The following KCNH7 variants were observed in gnomAD, a reference collection of about 807,000 sequenced individuals.
The protein encoded by KCNH7 is voltage-gated inwardly rectifying potassium channel KCNH7.
A neutral mutation model predicts 120.8 loss-of-function variants in KCNH7; 49 were observed. The observed-to-expected ratio is 0.41, with a 90% CI of 0.32 to 0.51. The LOEUF (loss-of-function observed/expected upper bound fraction) is 0.51, where lower values mean the gene tolerates loss of function less well. Ranked by LOEUF, KCNH7 falls within the 20% of genes least tolerant of loss-of-function variation. The pLI is 0.38. For synonymous variants in KCNH7, 547 were observed against 516.1 expected, an observed-to-expected ratio of 1.06 and a Z score of -0.81; for missense variants, 1,097 against 1,446.6, an observed-to-expected ratio of 0.76 and a Z score of 3.92.
At position 162,517,736 on chromosome 2, in the gene KCNH7, T is replaced by G; in HGVS notation, c.886A>C (p.Ser296Arg). 1 of 1,555,920 alleles carries G rather than the reference T, an allele frequency of 6.4e-7. No homozygotes were observed. Among genetic ancestry groups the G allele is most frequent in the Non-Finnish European group, 8.7e-7 (1 of 1,145,526 alleles). Residue 296 changes from serine to arginine, a missense_variant, in exon 4 of 16, where the codon AGC becomes CGC. By Grantham distance (110) the Ser-to-Arg change is moderately radical (BLOSUM62 -1). Around this residue, in one of 8 missense-constraint regions of KCNH7, gnomAD observed 362 missense variants for 372.2 expected, o/e 0.97. Transcript: ENST00000332142. The part of the protein sequence containing the change: ...PKNIFRDRHA[S>R]EDNGRNVKGP... ...AAAAAAAAATCAAACATACCTTCGC[T>G]GGCATGTCGGTCTCTAAATATGTTC...
intron 15 of KCNH7, among the ~76,000 whole-genome samples, chr2:162,372,675 G>A (rs544829083): frequency 1.3e-5 from 2 of 152,042 alleles, no homozygotes; most frequent in South Asian, 2.1e-4. Context: ...TTTCCAGAAC[G>A]TCTTAAATTA....
chr2:162,549,609 C>T (rs1221161656), intron 2 of KCNH7, among the ~76,000 whole-genome samples: 3 of 151,936 alleles, frequency 2.0e-5, no homozygotes, highest in South Asian at 2.1e-4. Flanking sequence ...TCCCTCAAAT[C>T]GTACAGAAGA....
At chr2:162,519,754 A>G (rs1275139230) in intron 3 of KCNH7, among the ~76,000 whole-genome samples, 3 of 151,796 alleles carry the variant, frequency 2.0e-5, no homozygotes, top group African/African-American at 7.2e-5. Context: ...ACAATTACAC[A>G]CTGACCTTAT....
chr2:162,418,343 A>G (rs1239659008), intron 9 of KCNH7, among the ~76,000 whole-genome samples: 1 of 152,112 alleles, frequency 6.6e-6, no homozygotes, highest in Non-Finnish European at 1.5e-5. Context: ...TAGCTGTATG[A>G]TATACATATC....
At chr2:162,803,080 C>A (rs1279237830) in intron 2 of KCNH7, among the ~76,000 whole-genome samples, 1 of 151,678 alleles carries the variant, frequency 6.6e-6, no homozygotes, top group Admixed American at 6.6e-5. Flanking sequence ...ATTTTGAGAA[C>A]AAAATGCTAT....
At chr2:162,428,145 T>C (rs545245264) in intron 8 of KCNH7, among the ~76,000 whole-genome samples, 1 of 152,026 alleles carries the variant, frequency 6.6e-6, no homozygotes, top group South Asian at 2.1e-4. Context: ...AGCTATAGAT[T>C]TATCACTAAA....
intron 2 of KCNH7, among the ~76,000 whole-genome samples, chr2:162,628,552 T>G (rs1332999244): frequency 6.6e-6 from 1 of 152,114 alleles, no homozygotes; most frequent in East Asian, 1.9e-4. Context: ...GTATTAAGCC[T>G]AGTAACCATT....
intron 3 of KCNH7, among the ~76,000 whole-genome samples, chr2:162,528,893 T>C (rs2105808976): frequency 6.6e-6 from 1 of 152,098 alleles, no homozygotes; most frequent in Non-Finnish European, 1.5e-5. Flanking sequence ...TAGACTTGGC[T>C]AGCCTTTGGT....
chr2:162,595,478 A>C (rs868827960), intron 2 of KCNH7, among the ~76,000 whole-genome samples: 8 of 152,196 alleles, frequency 5.3e-5, no homozygotes, highest in East Asian at 1.9e-4. Flanking sequence ...CAATATGAAC[A>C]TCATAATAAA....
At chr2:162,816,664 G>T (rs191713352) in intron 2 of KCNH7, among the ~76,000 whole-genome samples, 189 of 152,084 alleles carry the variant, frequency 1.2e-3, no homozygotes, top group Non-Finnish European at 2.4e-3. Context: ...AAATAAGTGT[G>T]GATAGTAAAT....
chr2:162,698,822 T>TTA (rs1458601813), intron 2 of KCNH7, among the ~76,000 whole-genome samples: 1 of 152,122 alleles, frequency 6.6e-6, no homozygotes, highest in African/African-American at 2.4e-5. Flanking sequence ...ACCCCCTATG[T>TTA]TATAATTACT....
At chr2:162,818,173 T>C (rs1473944972) in intron 2 of KCNH7, among the ~76,000 whole-genome samples, 2 of 151,994 alleles carry the variant, frequency 1.3e-5, no homozygotes, top group Non-Finnish European at 2.9e-5. Flanking sequence ...ATTCTTTCTT[T>C]GTAATATTTA....
chr2:162,580,490 T>C (rs1431010418), intron 2 of KCNH7, among the ~76,000 whole-genome samples: 1 of 152,086 alleles, frequency 6.6e-6, no homozygotes, highest in Non-Finnish European at 1.5e-5. Flanking sequence ...AAAATTACCC[T>C]ATTCCACTCA....
chr2:162,513,147 T>A (rs1429544021), intron 4 of KCNH7, among the ~76,000 whole-genome samples: 6 of 137,668 alleles, frequency 4.4e-5, no homozygotes, highest in Non-Finnish European at 9.5e-5. Flanking sequence ...AACAGTTCCT[T>A]CCTTCCTCCC....
rs180909435 is a variant in KCNH7, at chr2:162,809,335, T to C, written c.307+27202A>G. On this transcript the variant is annotated intron_variant, in intron 2 of 15. Coordinates refer to ENST00000332142, the MANE Select transcript of KCNH7 (RefSeq NM_033272.4). ...TTAACATTCTTCAGCTTCTTGTTTC[T>C]TTTGATGTGAATTTATGAAGAATTA... 9.6e-4 allele frequency among the ~76,000 whole-genome samples: 146 copies of C among 152,316 alleles called. 1 individual carries two copies. The highest frequency in any genetic ancestry group is 1.5e-3 in the Non-Finnish European group (100 of 68,026).
chr2:162,547,729 G>A (rs1198169100), intron 2 of KCNH7, among the ~76,000 whole-genome samples: 1 of 150,794 alleles, frequency 6.6e-6, no homozygotes, highest in Non-Finnish European at 1.5e-5. Context: ...TATAACAGAG[G>A]GAGGCCTTCA....
intron 5 of KCNH7, among the ~76,000 whole-genome samples, chr2:162,509,668 G>GA (rs1431041830): frequency 6.6e-6 from 1 of 151,512 alleles, no homozygotes; most frequent in African/African-American, 2.4e-5. Context: ...TGTTATCATT[G>GA]AAAATCAATT....
intron 2 of KCNH7, among the ~76,000 whole-genome samples, chr2:162,824,683 C>A (rs1685224659): frequency 6.6e-6 from 1 of 152,172 alleles, no homozygotes; most frequent in East Asian, 1.9e-4. Flanking sequence ...TTGCTTATAT[C>A]TTTCCTCACG....
intron 3 of KCNH7, among the ~76,000 whole-genome samples, chr2:162,519,167 G>C (rs2105787972): frequency 6.6e-6 from 1 of 151,718 alleles, no homozygotes; most frequent in Non-Finnish European, 1.5e-5. Flanking sequence ...AAAGTCTTTG[G>C]ACAATATCTA....
Sources: allele counts gnomAD v4.1 joint callset (sites outside exome capture counted in the v4.1 genomes callset), GRCh38; gene constraint gnomAD v4.1.1; regional missense constraint gnomAD v4.1.1; transcripts MANE v1.5; gene names NCBI Gene and HGNC (gene_info 2026-07-23, HGNC 2026-07-21).